Variants in MALAT1 observed in about 807,000 individuals in gnomAD.
The protein encoded by MALAT1 is metastasis associated lung adenocarcinoma transcript 1, also known as hepcarcin.
At chr11:65,502,130 A>G (rs1322473073) in exon 3 of MALAT1, 4 of 516,082 alleles carry the variant, frequency 7.8e-6, no homozygotes, top group Non-Finnish European at 1.5e-5. Context: ...ATAATTTGAT[A>G]CTGTATCTGT....
At chr11:65,503,059 G>T (rs1445790292) in exon 3 of MALAT1, 2 of 510,876 alleles carry the variant, frequency 3.9e-6, no homozygotes, top group South Asian at 2.9e-5. Flanking sequence ...TGAGAGATGA[G>T]TTGGGATCAA....
chr11:65,499,751 A>G (rs1037747695), exon 3 of MALAT1: 1 of 433,098 alleles, frequency 2.3e-6, no homozygotes. Flanking sequence ...TAGAAGAAAA[A>G]AGATAAATTT....
exon 2 of MALAT1, chr11:65,498,696 C>G (rs371347864): frequency 1.1e-4 from 58 of 518,412 alleles, no homozygotes; most frequent in Admixed American, 8.7e-4. Flanking sequence ...TAAACTATAC[C>G]TACTGTCCCT....
At chr11:65,497,914 G>A (rs200119346) in intron 1 of MALAT1, 1 of 518,832 alleles carries the variant, frequency 1.9e-6, no homozygotes, top group East Asian at 5.4e-5. Context: ...CAGAGTCCTT[G>A]GGACGCAGCG....
At chr11:65,498,810 C>G (rs560761689) in intron 2 of MALAT1, 1 of 518,858 alleles carries the variant, frequency 1.9e-6, no homozygotes, top group Admixed American at 1.9e-5. Context: ...TTTCTTTTGT[C>G]TAAAGTTTGC....
exon 3 of MALAT1, chr11:65,502,932 T>C (rs1195034442): frequency 4.0e-6 from 2 of 494,414 alleles, no homozygotes; most frequent in South Asian, 2.9e-5. Flanking sequence ...TGATGAGAAA[T>C]ACAATGAAGA....
chr11:65,497,980 T>C (rs533684148), intron 1 of MALAT1: 1 of 518,874 alleles, frequency 1.9e-6, no homozygotes, highest in African/African-American at 1.9e-5. Context: ...CAGGTGGTGG[T>C]ATTTAGATAA....
chr11:65,502,148 C>A (rs370341315), exon 3 of MALAT1: 18 of 516,322 alleles, frequency 3.5e-5, no homozygotes, highest in African/African-American at 9.6e-5. Context: ...TGTTTTCCTT[C>A]AAAGTATAGA....
At chr11:65,499,547 A>C in exon 3 of MALAT1, 1 of 457,452 alleles carries the variant, frequency 2.2e-6, no homozygotes, top group Non-Finnish European at 4.4e-6. Flanking sequence ...TGACGCAGGG[A>C]GAATTGCGTC....
At chr11:65,501,911 G>A in exon 3 of MALAT1, 1 of 517,424 alleles carries the variant, frequency 1.9e-6, no homozygotes, top group Non-Finnish European at 3.9e-6. Flanking sequence ...GTGGGTTTAG[G>A]TAATTGTTTA....
chr11:65,501,668 A>G, exon 3 of MALAT1: 1 of 519,008 alleles, frequency 1.9e-6, no homozygotes, highest in East Asian at 5.4e-5. Flanking sequence ...ACCTTCAGGG[A>G]CTGGAGCTGC....
At chr11:65,504,620 G>C (rs780171508) in intron 3 of MALAT1, 1 of 518,800 alleles carries the variant, frequency 1.9e-6, no homozygotes, top group African/African-American at 1.9e-5. Flanking sequence ...GTTCATTTCT[G>C]GTGGTGGGAG....
At chr11:65,499,161 A>G (rs755283077) in exon 3 of MALAT1, 3 of 512,436 alleles carry the variant, frequency 5.9e-6, no homozygotes, top group East Asian at 5.5e-5. Context: ...TACTTAAAAA[A>G]TATAGTCAAT....
intron 3 of MALAT1, chr11:65,504,080 A>T: frequency 1.9e-6 from 1 of 518,016 alleles, no homozygotes; most frequent in Non-Finnish European, 3.9e-6. Context: ...TATTGACCTT[A>T]TATAGGGAAG....
At chr11:65,497,788 C>T (rs775672645) in exon 1 of MALAT1, 8 of 482,188 alleles carry the variant, frequency 1.7e-5, no homozygotes, top group Middle Eastern at 3.5e-4. Flanking sequence ...CCGCAACTGG[C>T]CTCTCCTGCC....
At chr11:65,498,514 A>G (rs1332291538) in intron 1 of MALAT1, 2 of 517,078 alleles carry the variant, frequency 3.9e-6, no homozygotes, top group Admixed American at 2.0e-5. Context: ...TTCTCGAACA[A>G]AAAAGCAAAA....
intron 3 of MALAT1, chr11:65,505,462 A>AG (rs757568268): frequency 9.7e-6 from 5 of 512,854 alleles, no homozygotes; most frequent in Admixed American, 2.0e-5. Flanking sequence ...CGGTGCTTGA[A>AG]GGGGAGGGAA....
exon 3 of MALAT1, chr11:65,500,840 T>A (rs559818336): frequency 5.8e-6 from 3 of 518,874 alleles, no homozygotes; most frequent in Non-Finnish European, 1.2e-5. Flanking sequence ...TTTTCTAATA[T>A]AATGGGGGAG....
exon 3 of MALAT1, chr11:65,503,193 TA>T (rs1318227679): frequency 2.0e-6 from 1 of 512,784 alleles, no homozygotes; most frequent in Non-Finnish European, 3.9e-6. Flanking sequence ...TGTTAACAGA[TA>T]AGTTTAACTT....
Sources: gnomAD v4.1 joint callset for allele counts on GRCh38, gnomAD v4.1.1 for gene constraint, MANE v1.5 for transcripts, NCBI Gene and HGNC (gene_info 2026-07-23, HGNC 2026-07-21) for gene names.